EMC1: variants seen among roughly 807,000 people sequenced by gnomAD.
EMC1 encodes the protein KIAA0090.
Under a neutral mutation model 128.8 loss-of-function variants are expected in EMC1, and 103 were observed. The observed-to-expected ratio is 0.80, with a 90% CI of 0.68 to 0.94. The LOEUF is 0.94. Ranked by LOEUF, EMC1 falls within the 40% of genes least tolerant of loss-of-function variation. The pLI, the probability that EMC1 is intolerant of heterozygous loss-of-function variation, is 0.00. For missense variants in EMC1, 1,083 were observed against 1,250.6 expected (o/e 0.87, Z 2.02); for synonymous variants, 442 against 490.4 (o/e 0.90, Z 1.30).
In EMC1 at chr1:19,217,671, C is replaced by G. The variant is rs1315607927; in HGVS notation, c.*1632G>C. 1 of 152,194 alleles carries G rather than the reference C, an allele frequency of 6.6e-6. No individual in the cohort carries two copies. The highest frequency in any genetic ancestry group is 6.5e-5 in the Admixed American group (1 of 15,274). The allele number at this position is 152,194 out of a possible 1,614,324, so 9.4% of individuals were successfully genotyped here. ...TAGAATCTTGCAGGCTAACCTTGCA[C>G]ATATGTATGTAAGACAGTCAGAATT... On this transcript the variant is annotated 3_prime_UTR_variant, in exon 23 of 23. Coordinates refer to ENST00000477853, the MANE Select transcript of EMC1 (RefSeq NM_015047.3).
At chr1:19,232,499 A>T in intron 15 of EMC1, 125 bp downstream of exon 15, 1 of 1,085,848 alleles carries the variant, frequency 9.2e-7, no homozygotes, top group Non-Finnish European at 1.4e-6. Flanking sequence ...TAGAAGAAAC[A>T]GAGTTCTAAC....
intron 13 of EMC1, among the ~76,000 whole-genome samples, chr1:19,233,693 A>T (rs1372792532): frequency 1.3e-5 from 2 of 152,092 alleles, no homozygotes; most frequent in Non-Finnish European, 2.9e-5. Flanking sequence ...TGCCCTCCAA[A>T]TCTCCTCCAT....
At chr1:19,228,156 G>C (rs2093491101) in intron 17 of EMC1, among the ~76,000 whole-genome samples, 1 of 142,788 alleles carries the variant, frequency 7.0e-6, no homozygotes, top group African/African-American at 2.6e-5. Context: ...AGTGAGCCGA[G>C]ACTGCACCAT....
Position 19,240,087 on chromosome 1 carries a change from G to A in EMC1, c.787-102C>T, listed in dbSNP as rs534826697. 156 of 1,298,702 alleles carry A rather than the reference G, an allele frequency of 1.2e-4. 1 individual carries two copies. Among genetic ancestry groups the A allele is most frequent in the East Asian group, 1.5e-4 (6 of 40,398 alleles). The allele number at this position is 1,298,702 out of a possible 1,614,324, so 80.4% of individuals were successfully genotyped here. On this transcript the variant is annotated intron_variant, in intron 7 of 22. Transcript: ENST00000477853. ...CCTACTTTGCCGGGGGAAGTAACTG[G>A]GCCATGGCAGGTGGCTCCAAATGCT... is the stretch of plus-strand genomic sequence containing the variant.
intron 15 of EMC1, 68 bp from the exon 16 acceptor site, chr1:19,231,490 G>T: frequency 3.4e-6 from 5 of 1,492,090 alleles, no homozygotes; most frequent in Non-Finnish European, 4.5e-6. Flanking sequence ...TAGACCTGAA[G>T]AGCTGGGACT....
At chr1:19,239,647 T>C in intron 8 of EMC1, 171 bp downstream of exon 8, 5 of 641,754 alleles carry the variant, frequency 7.8e-6, no homozygotes, top group South Asian at 2.0e-5. Flanking sequence ...CAGGAGGAAA[T>C]ACACCATTTC....
At position 19,245,627 on chromosome 1, in the gene EMC1, C is replaced by CTTTT. The variant is rs539316345; in HGVS notation, c.96-601_96-598dup. On this transcript the variant is annotated intron_variant, in intron 1 of 22. Transcript: ENST00000477853. ...ACACCCAAAAGGGCACCTTACCTTT[C>CTTTT]TTTTTTTTTTTTTTGAGACGAAGTC... Among the ~76,000 whole-genome samples, 207 of 123,106 alleles carry CTTTT rather than the reference C, an allele frequency of 1.7e-3. 12 individuals carry two copies. Among genetic ancestry groups the CTTTT allele is most frequent in the African/African-American group, 6.3e-3 (185 of 29,280 alleles). 80.8% of individuals were successfully genotyped at this position (123,106 alleles called of 152,430 possible). A position where few individuals can be genotyped will look rare whatever the true frequency, so the allele number is the denominator to read the frequency against.
chr1:19,249,442 A>G, intron 1 of EMC1, among the ~76,000 whole-genome samples: 1 of 152,340 alleles, frequency 6.6e-6, no homozygotes, highest in East Asian at 1.9e-4. Context: ...GTTTTCAGTA[A>G]AGTAACATGC....
Position 19,217,795 on chromosome 1 carries a change from T to C in EMC1, c.*1508A>G, listed in dbSNP as rs2093404715. 6.6e-6 allele frequency: 1 copy of C among 152,242 alleles called. No homozygotes were observed. Among genetic ancestry groups the C allele is most frequent in the South Asian group, 2.1e-4 (1 of 4,830 alleles). The allele number at this position is 152,242 out of a possible 1,614,324, so 9.4% of individuals were successfully genotyped here. ...TAAAATATGCCTTGGGTCAGGATGA[T>C]AGATGCCTGTTTTTTTCTGGAGATT... On this transcript the variant is annotated 3_prime_UTR_variant, in exon 23 of 23. Transcript: ENST00000477853.
In EMC1 at chr1:19,230,998, G is replaced by A. The variant is rs765057139; in HGVS notation, c.1945-35C>T. 5 of 1,610,744 alleles carry A rather than the reference G, an allele frequency of 3.1e-6. No individual in the cohort carries two copies. In the Admixed American group the frequency reaches 8.5e-5, roughly 27 times the overall value. On this transcript the variant is annotated intron_variant, in intron 16 of 22. Transcript: ENST00000477853. ...CCCAGAGAGCCCAAGGAAAGAGTTA[G>A]GAAATTTCCCCATCAAAGAGAGCCT... is the stretch of plus-strand genomic sequence containing the variant.
Position 19,220,841 on chromosome 1 carries a change from T to C in EMC1, c.2595A>G (p.Leu865=). The C allele has an allele frequency of 1.6e-5, 25 of 1,612,588 alleles. No homozygotes were observed. The highest frequency in any genetic ancestry group is 2.1e-5 in the Non-Finnish European group (25 of 1,179,076). The stretch of plus-strand genomic sequence containing the variant: ...GAAGGGAAAGAATTGCTCCAGAAGG[T>C]AGTCCAACTACACAGGAGGAAGTGA... ...GITSRHLLIG[L]PSGAILSLPK... is the part of the protein sequence containing the mutation. Residue 865 remains leucine, a synonymous_variant, in exon 21 of 23, where the codon CTA becomes CTG. Transcript: ENST00000477853.
At chr1:19,235,562 A>G (rs950327059) in intron 12 of EMC1, among the ~76,000 whole-genome samples, 18 of 152,190 alleles carry the variant, frequency 1.2e-4, no homozygotes, top group African/African-American at 4.1e-4. Flanking sequence ...TTAGCCAGGC[A>G]TGATGGTGGG....
chr1:19,250,597 G>A (rs1201888344), intron 1 of EMC1, among the ~76,000 whole-genome samples: 6 of 152,166 alleles, frequency 3.9e-5, no homozygotes, highest in African/African-American at 1.4e-4. Context: ...TCTGACCTGG[G>A]CCCTGAAGAA....
At chr1:19,245,164 G>A (rs1418425380) in intron 1 of EMC1, 134 bp from the exon 2 acceptor site, 33 of 965,230 alleles carry the variant, frequency 3.4e-5, no homozygotes, top group Admixed American at 9.2e-5. Flanking sequence ...TTAGCTGGGC[G>A]CAGTGGCTCA....
chr1:19,246,779 C>G lies in EMC1; in HGVS notation c.96-1749G>C, dbSNP rs567728771. On this transcript the variant is annotated intron_variant, in intron 1 of 22. Transcript: ENST00000477853. ...TGGGTGACAGAGCAAGACTCTGTCT[C>G]AAAACAATAAAAAATAAATAAATAA... is the stretch of plus-strand genomic sequence containing the variant. 2.0e-5 allele frequency among the ~76,000 whole-genome samples: 3 copies of G among 151,752 alleles called. No homozygotes were observed. The South Asian group carries it at 6.3e-4, about 32-fold the overall frequency.
intron 12 of EMC1, 120 bp downstream of exon 12, chr1:19,237,022 T>C: frequency 6.6e-6 from 3 of 457,012 alleles, no homozygotes; most frequent in Non-Finnish European, 1.3e-5. Flanking sequence ...AACGAAACAC[T>C]CAGGGCACAC....
intron 21 of EMC1, 62 bp downstream of exon 21, chr1:19,220,702 T>G: frequency 7.5e-7 from 1 of 1,341,132 alleles, no homozygotes; most frequent in Admixed American, 1.9e-5. Flanking sequence ...AGAACCAAGC[T>G]TAATCAGTGA....
In EMC1 at chr1:19,241,126, G is replaced by A; in HGVS notation, c.526C>T (p.Gln176Ter). The A allele has an allele frequency of 1.2e-6, 2 of 1,614,092 alleles. No homozygotes were observed. Among genetic ancestry groups the A allele is most frequent in the Non-Finnish European group, 1.7e-6 (2 of 1,179,970 alleles). ...CCAGAGCCGTAAGAATACACCATCTGGTAGTGGATGCTGTCACTAAGAGAG... is the reference window on the plus strand; with the variant it reads ...CCAGAGCCGTAAGAATACACCATCTAGTAGTGGATGCTGTCACTAAGAGAG... ...HLPESDSIHY[Q>*]MVYSYGSGVV... Residue 176 changes from glutamine to a stop codon, truncating the protein, a stop_gained, in exon 6 of 23, where the codon CAG (glutamine) becomes TAG (stop). Coordinates refer to ENST00000477853, the MANE Select transcript of EMC1 (RefSeq NM_015047.3). LOFTEE classifies it high-confidence loss of function.
At chr1:19,239,207 C>A (rs1399552414) in intron 9 of EMC1, 24 bp downstream of exon 9, 1 of 1,602,578 alleles carries the variant, frequency 6.2e-7, no homozygotes, top group Non-Finnish European at 8.5e-7. Flanking sequence ...ATCCCAAGTG[C>A]TGACTGTTGT....
Sources: allele counts gnomAD v4.1 joint callset (sites outside exome capture counted in the v4.1 genomes callset), GRCh38; gene constraint gnomAD v4.1.1; transcripts MANE v1.5; gene names NCBI Gene and HGNC (gene_info 2026-07-23, HGNC 2026-07-21).